Variants in IFTAP observed in about 807,000 individuals in gnomAD.
IFTAP encodes the protein intraflagellar transport-associated protein.
IFTAP carries 19 observed loss-of-function variants against 19.4 expected under a neutral mutation model. The ratio of observed to expected loss-of-function variants is 0.98; its 90% CI spans 0.68 to 1.44. The LOEUF (loss-of-function observed/expected upper bound fraction) is 1.44, where lower values mean the gene tolerates loss of function less well. Ranked by LOEUF, IFTAP falls within the 40% of genes most tolerant of loss-of-function variation. IFTAP has a pLI of 0.00. For synonymous variants in IFTAP, 85 were observed against 83.5 expected (o/e 1.02, Z -0.10); for missense variants, 240 against 253.6 (o/e 0.95, Z 0.36).
Position 36,659,141 on chromosome 11 carries a change from G to A in IFTAP, c.621G>A (p.Gln207=). The A allele has an allele frequency of 4.4e-6, 7 of 1,605,496 alleles. No individual in the cohort carries two copies. The highest frequency in any genetic ancestry group is 5.1e-6 in the Non-Finnish European group (6 of 1,176,332). ...IENIKELCKQ[Q]KRKDTSPDLE... ...ACATCAAAGAGCTATGCAAGCAGCA[G>A]AAGAGAAAGGACACCAGCCCAGACT... is the stretch of plus-strand genomic sequence containing the variant. The change falls in exon 6 of 6, where the codon CAG becomes CAA. Residue 207 remains glutamine (Q), a synonymous_variant. Coordinates refer to ENST00000334307, the MANE Select transcript of IFTAP (RefSeq NM_138787.4).
At chr11:36,643,112 T>C (rs919570322) in intron 4 of IFTAP, among the ~76,000 whole-genome samples, 1 of 152,204 alleles carries the variant, frequency 6.6e-6, no homozygotes, top group Non-Finnish European at 1.5e-5. Flanking sequence ...GAAAACCCCA[T>C]CATCTCAGCC....
chr11:36,633,710 C>A (rs1225771641), intron 3 of IFTAP, among the ~76,000 whole-genome samples: 11 of 151,990 alleles, frequency 7.2e-5, no homozygotes, highest in Admixed American at 6.6e-4. Context: ...GAAATTATTT[C>A]TTTTAGCTTG....
intron 1 of IFTAP, among the ~76,000 whole-genome samples, chr11:36,599,507 G>T (rs1156249062): frequency 6.6e-6 from 1 of 152,104 alleles, no homozygotes; most frequent in Non-Finnish European, 1.5e-5. Flanking sequence ...TTATTGTAAG[G>T]ATTAATGGAT....
At chr11:36,601,148 T>G (rs148557231) in intron 1 of IFTAP, among the ~76,000 whole-genome samples, 4 of 152,336 alleles carry the variant, frequency 2.6e-5, no homozygotes, top group African/African-American at 9.6e-5. Flanking sequence ...TTAACAAGTG[T>G]TTGCAATAAG....
chr11:36,596,575 A>G (rs1851268728), intron 1 of IFTAP, among the ~76,000 whole-genome samples: 1 of 152,188 alleles, frequency 6.6e-6, no homozygotes, highest in African/African-American at 2.4e-5. Flanking sequence ...AGGAGACATT[A>G]TTGACCCTCA....
intron 1 of IFTAP, among the ~76,000 whole-genome samples, chr11:36,597,349 G>A (rs1851310835): frequency 6.6e-6 from 1 of 152,110 alleles, no homozygotes; most frequent in South Asian, 2.1e-4. Flanking sequence ...ACCTACTGAA[G>A]TCTTTTCCTT....
chr11:36,656,816 T>C (rs1368349749), intron 5 of IFTAP, among the ~76,000 whole-genome samples: 3 of 151,958 alleles, frequency 2.0e-5, no homozygotes, highest in East Asian at 1.9e-4. Context: ...GAGGTGGGGA[T>C]TGAGGTTATT....
At chr11:36,647,626 A>G (rs1340828869) in intron 4 of IFTAP, among the ~76,000 whole-genome samples, 1 of 152,100 alleles carries the variant, frequency 6.6e-6, no homozygotes, top group Non-Finnish European at 1.5e-5. Context: ...TGAAATCAGT[A>G]CTCCATTTTC....
rs188459844 is a variant in IFTAP, at chr11:36,641,234, C to G, written c.358+5117C>G. On this transcript the variant is annotated intron_variant, in intron 4 of 5. Transcript: ENST00000334307. Reference sequence around the variant, plus strand: ...CGAAAAAATGTAAAATAATGCTTCTCAATATTTTCTATTTTTAGAAAATAG... The same window carrying G: ...CGAAAAAATGTAAAATAATGCTTCTGAATATTTTCTATTTTTAGAAAATAG... Among the ~76,000 whole-genome samples, 131 of 152,090 alleles carry G rather than the reference C, an allele frequency of 8.6e-4. 1 individual carries two copies. The highest frequency in any genetic ancestry group is 2.9e-3 in the African/African-American group (121 of 41,504).
chr11:36,609,714 A>C (rs1003551393), intron 1 of IFTAP, among the ~76,000 whole-genome samples: 6 of 152,164 alleles, frequency 3.9e-5, no homozygotes, highest in African/African-American at 1.4e-4. Context: ...TAAATAAGTC[A>C]CTAAGCTATT....
chr11:36,630,195 T>C (rs1428492011), intron 2 of IFTAP, among the ~76,000 whole-genome samples: 1 of 151,388 alleles, frequency 6.6e-6, no homozygotes, highest in Non-Finnish European at 1.5e-5. Context: ...ATTTTGACAT[T>C]ATCATATTGA....
At chr11:36,608,093 A>T (rs1176223288) in intron 1 of IFTAP, among the ~76,000 whole-genome samples, 1 of 152,232 alleles carries the variant, frequency 6.6e-6, no homozygotes, top group African/African-American at 2.4e-5. Flanking sequence ...AAGTGGTGAT[A>T]TGTCTATGAT....
chr11:36,604,004 G>A (rs1187168410), intron 1 of IFTAP, among the ~76,000 whole-genome samples: 2 of 151,670 alleles, frequency 1.3e-5, no homozygotes, highest in Non-Finnish European at 2.9e-5. Context: ...GGCATCCTTT[G>A]TGCTATCTTT....
At chr11:36,645,335 G>C (rs1853438889) in intron 4 of IFTAP, among the ~76,000 whole-genome samples, 1 of 152,088 alleles carries the variant, frequency 6.6e-6, no homozygotes, top group Admixed American at 6.6e-5. Context: ...TGAGAAAGAA[G>C]AGATTAAAAT....
intron 1 of IFTAP, among the ~76,000 whole-genome samples, chr11:36,608,049 T>G (rs1366665851): frequency 6.6e-6 from 1 of 152,314 alleles, no homozygotes; most frequent in African/African-American, 2.4e-5. Flanking sequence ...ACTATACAGC[T>G]ATTTGACAGA....
At chr11:36,646,340 T>C (rs545487308) in intron 4 of IFTAP, among the ~76,000 whole-genome samples, 172 of 152,314 alleles carry the variant, frequency 1.1e-3, no homozygotes, top group African/African-American at 3.8e-3. Flanking sequence ...TCTTGCTGCT[T>C]TCCTTGTTCG....
At chr11:36,631,554 C>T (rs1361816976) in intron 2 of IFTAP, among the ~76,000 whole-genome samples, 1 of 151,152 alleles carries the variant, frequency 6.6e-6, no homozygotes, top group East Asian at 1.9e-4. Context: ...CAACATGAAT[C>T]TCACTGATTT....
rs61143637 is a variant in IFTAP, at chr11:36,627,345, C to A, written c.137-5939C>A. Among the ~76,000 whole-genome samples the A allele has an allele frequency of 2.1e-3, 316 of 151,088 alleles. 21 individuals are homozygous for A. The highest frequency in any genetic ancestry group is 6.7e-3 in the African/African-American group (273 of 40,460). ...TGAGCTTTGTGGTGTGTAAATTACA[C>A]CTCAGTAAAGCTGTGGGGAAGTGGA... On this transcript the variant is annotated intron_variant, in intron 2 of 5. Transcript: ENST00000334307.
intron 1 of IFTAP, among the ~76,000 whole-genome samples, chr11:36,599,285 C>T (rs1034865584): frequency 8.5e-5 from 13 of 152,154 alleles, no homozygotes; most frequent in African/African-American, 3.1e-4. Flanking sequence ...TGAGCCACCT[C>T]GCCCAGCCTA....
Sources: gnomAD v4.1 joint callset for allele counts (sites outside exome capture counted in the v4.1 genomes callset) on GRCh38, gnomAD v4.1.1 for gene constraint, MANE v1.5 for transcripts, NCBI Gene and HGNC (gene_info 2026-07-23, HGNC 2026-07-21) for gene names.